SYTL2: variants seen among roughly 807,000 people sequenced by gnomAD.
The protein encoded by SYTL2 is synaptotagmin-like protein 2.
Under a neutral mutation model 198.7 loss-of-function variants are expected in SYTL2, and 165 were observed. That is an observed-to-expected ratio of 0.83 (90% CI 0.73 to 0.94). The LOEUF (loss-of-function observed/expected upper bound fraction) is 0.94. SYTL2 is among the 40% of genes least tolerant of loss of function. The probability of loss-of-function intolerance (pLI) is 0.00; values close to 1 mark genes in which losing one functional copy is unlikely to be tolerated. For missense variants in SYTL2, 2,835 were observed against 2,582.8 expected (o/e 1.10, Z -2.12); for synonymous variants, 966 against 917.7 (o/e 1.05, Z -0.95).
the SYTL2 span, among the ~76,000 whole-genome samples, chr11:85,851,846 T>C: frequency 2.1e-3 from 314 of 152,356 alleles, 1 homozygote; most frequent in African/African-American, 6.7e-3. Flanking sequence ...GGTAGCTTTT[T>C]CTCCTGAATT....
At chr11:85,833,094 A>G in the SYTL2 span, among the ~76,000 whole-genome samples, 188 of 34,374 alleles carry the variant, frequency 5.5e-3, 3 homozygotes, top group South Asian at 0.017. Flanking sequence ...AAAGAAAGAA[A>G]GAAAGAAGGA....
At chr11:85,785,111 C>T (rs1021442047) in intron 1 of SYTL2, among the ~76,000 whole-genome samples, 7 of 152,132 alleles carry the variant, frequency 4.6e-5, no homozygotes, top group East Asian at 1.9e-4. Flanking sequence ...ACCCATTCCA[C>T]ATGGAAACCA....
At chr11:85,808,089 T>C (rs2153662038) in intron 1 of SYTL2, among the ~76,000 whole-genome samples, 1 of 152,246 alleles carries the variant, frequency 6.6e-6, no homozygotes, top group East Asian at 1.9e-4. Flanking sequence ...TTATTTGAGA[T>C]GGAGTCTTGC....
Position 85,698,061 on chromosome 11 carries a change from T to A in SYTL2, c.6286A>T (p.Thr2096Ser), listed in dbSNP as rs200001290. The change falls in exon 18 of 20, where the codon ACT (threonine) becomes TCT (serine). Residue 2096 changes from threonine to serine, a missense_variant. Thr to Ser is a moderately conservative substitution (Grantham distance 58, BLOSUM62 1). Around this residue, in one of 3 missense-constraint regions of SYTL2, gnomAD observed 185 missense variants for 182.1 expected, o/e 1.02. Coordinates refer to ENST00000359152, the MANE Select transcript of SYTL2 (RefSeq NM_206927.4). ...TTCACCCAGATGTGCACTTCTCCAG[T>A]TGTAGGAAGCTTTTTACCTACAATA... ...EPVPGKKLPT[T>S]GEVHIWVKEC... 6.2e-7 allele frequency: 1 copy of A among 1,613,530 alleles called. No homozygotes were observed. Among genetic ancestry groups the A allele is most frequent in the African/African-American group, 1.3e-5 (1 of 75,014 alleles).
chr11:85,752,297 T>C (rs1487367703), intron 2 of SYTL2, among the ~76,000 whole-genome samples: 1 of 152,186 alleles, frequency 6.6e-6, no homozygotes, highest in Non-Finnish European at 1.5e-5. Flanking sequence ...TTGTTTTGAA[T>C]GTGAGAGCTG....
rs372411961 is a variant in SYTL2 at position 85,735,414 on chromosome 11, T to A, written c.587-672A>T. Among the ~76,000 whole-genome samples, 228 of 152,156 alleles carry A rather than the reference T, an allele frequency of 1.5e-3. 2 individuals are homozygous for A. Among genetic ancestry groups the A allele is most frequent in the African/African-American group, 5.3e-3 (222 of 41,534 alleles). ...CAGAAATCAGAAAAGGAAATTCAGT[T>A]TAAAAAAATAAAACCCCATTACCTA... On this transcript the variant is annotated intron_variant, in intron 6 of 19. Coordinates refer to ENST00000359152, the MANE Select transcript of SYTL2 (RefSeq NM_206927.4).
the SYTL2 span, among the ~76,000 whole-genome samples, chr11:85,819,058 A>C: frequency 1.3e-5 from 2 of 152,202 alleles, no homozygotes; most frequent in Non-Finnish European, 2.9e-5. Flanking sequence ...TTAAGAGTTT[A>C]TGATTTTTAA....
chr11:85,708,150 C>T (rs290197), intron 14 of SYTL2: 287,287 of 407,126 alleles, frequency 0.71, 103,513 homozygotes, highest in African/African-American at 0.87. Flanking sequence ...TGAAACTCCA[C>T]CTCAAAAAAA....
intron 1 of SYTL2, among the ~76,000 whole-genome samples, chr11:85,777,631 C>T (rs1204517615): frequency 6.7e-6 from 1 of 149,698 alleles, no homozygotes; most frequent in Non-Finnish European, 1.5e-5. Context: ...GGATTTAATC[C>T]CCCCCCAACC....
At chr11:85,752,269 G>A (rs1407703020) in intron 2 of SYTL2, among the ~76,000 whole-genome samples, 1 of 152,142 alleles carries the variant, frequency 6.6e-6, no homozygotes, top group African/African-American at 2.4e-5. Flanking sequence ...TGTGTGATTT[G>A]GAGGTGCTCT....
intron 18 of SYTL2, among the ~76,000 whole-genome samples, chr11:85,697,629 A>G (rs1008441140): frequency 6.6e-6 from 1 of 152,226 alleles, no homozygotes; most frequent in Non-Finnish European, 1.5e-5. Context: ...GAGAGAAGGA[A>G]TTCTCCCTGC....
chr11:85,762,417 T>A (rs937237495), intron 1 of SYTL2, among the ~76,000 whole-genome samples: 4 of 152,196 alleles, frequency 2.6e-5, no homozygotes, highest in African/African-American at 4.8e-5. Context: ...CTCCTACCCA[T>A]CCTCCATTCA....
chr11:85,754,857 C>T (rs544298990), intron 2 of SYTL2, among the ~76,000 whole-genome samples: 4 of 152,234 alleles, frequency 2.6e-5, no homozygotes, highest in African/African-American at 7.2e-5. Context: ...CTGTTCCTTT[C>T]TGAAAGAATA....
rs2085837739 is a variant in SYTL2, at chr11:85,709,354, A to G, written c.5892T>C (p.Asp1964=). The G allele has an allele frequency of 2.5e-6, 4 of 1,614,150 alleles. No homozygotes were observed. The East Asian group carries it at 8.9e-5, about 36-fold the overall frequency. The change falls in exon 14 of 20, where the codon GAT becomes GAC. Residue 1964 remains aspartate, a synonymous_variant. Transcript: ENST00000359152. ...ACGGGTCTGAACGCTGTTTTTTTAC[A>G]TCCGCTGCTGCTAAGTCCTTACACT... ...VAQCKDLAAA[D]VKKQRSDPYV... is the part of the protein sequence containing the mutation.
At chr11:85,742,866 TC>T (rs1318995874) in intron 4 of SYTL2, among the ~76,000 whole-genome samples, 2 of 152,174 alleles carry the variant, frequency 1.3e-5, no homozygotes, top group African/African-American at 4.8e-5. Context: ...CTTTTGCTAC[TC>T]CAGAACAAGC....
intron 1 of SYTL2, among the ~76,000 whole-genome samples, chr11:85,779,363 C>G (rs1464736206): frequency 1.3e-5 from 2 of 152,140 alleles, no homozygotes; most frequent in African/African-American, 4.8e-5. Flanking sequence ...AGCCACCAGT[C>G]TGGAACACTT....
the SYTL2 span, among the ~76,000 whole-genome samples, chr11:85,823,861 A>G: frequency 6.6e-6 from 1 of 152,226 alleles, no homozygotes; most frequent in African/African-American, 2.4e-5. Flanking sequence ...ACTCTACGTA[A>G]GCTCCAGTCA....
At chr11:85,807,632 A>C (rs1383790553) in intron 1 of SYTL2, among the ~76,000 whole-genome samples, 1 of 152,232 alleles carries the variant, frequency 6.6e-6, no homozygotes, top group Non-Finnish European at 1.5e-5. Context: ...AATTTTCTGC[A>C]AATTACTGTG....
chr11:85,804,910 G>C (rs2092937812), intron 1 of SYTL2, among the ~76,000 whole-genome samples: 1 of 152,146 alleles, frequency 6.6e-6, no homozygotes, highest in African/African-American at 2.4e-5. Context: ...TAAATCAACA[G>C]TAGCACCAGA....
Sources: gnomAD v4.1 joint callset for allele counts (sites outside exome capture counted in the v4.1 genomes callset) on GRCh38, gnomAD v4.1.1 for gene constraint, gnomAD v4.1.1 regional missense constraint, MANE v1.5 for transcripts, NCBI Gene and HGNC (gene_info 2026-07-23, HGNC 2026-07-21) for gene names.